The following CADPS2 variants were observed in gnomAD, a reference collection of about 807,000 sequenced individuals.
CADPS2 encodes calcium dependent secretion activator 2.
CADPS2 carries 93 observed loss-of-function variants against 172.5 expected under a neutral mutation model. The ratio of observed to expected loss-of-function variants is 0.54; its 90% confidence interval spans 0.46 to 0.64. The LOEUF (loss-of-function observed/expected upper bound fraction) is 0.64. Ranked by LOEUF, CADPS2 falls within the 30% of genes least tolerant of loss-of-function variation. The pLI, the probability that CADPS2 is intolerant of heterozygous loss-of-function variation, is 0.00. For missense variants in CADPS2, 1,420 were observed against 1,565.9 expected (o/e 0.91, Z 1.57); for synonymous variants, 546 against 555.2 (o/e 0.98, Z 0.23).
chr7:122,323,475 ACTCT>A (rs916893807), intron 29 of CADPS2, among the ~76,000 whole-genome samples: 1 of 152,000 alleles, frequency 6.6e-6, no homozygotes, highest in African/African-American at 2.4e-5. Flanking sequence ...CTTAAGATCT[ACTCT>A]CTTAGCAAAT....
intron 7 of CADPS2, among the ~76,000 whole-genome samples, chr7:122,569,082 A>G (rs1046963094): frequency 6.6e-6 from 1 of 152,198 alleles, no homozygotes; most frequent in African/African-American, 2.4e-5. Flanking sequence ...GAAAAGAGGA[A>G]GTCAAATTGT....
At chr7:122,704,487 T>G (rs1480320466) in intron 2 of CADPS2, among the ~76,000 whole-genome samples, 1 of 152,086 alleles carries the variant, frequency 6.6e-6, no homozygotes, top group Admixed American at 6.6e-5. Context: ...TTATTTAACC[T>G]TTGGAAGTAG....
At chr7:122,698,524 A>T (rs1336592143) in intron 2 of CADPS2, 5 of 1,613,926 alleles carry the variant, frequency 3.1e-6, no homozygotes, top group Non-Finnish European at 4.2e-6. Flanking sequence ...AGTACCTGGA[A>T]CGTTATAGAT....
chr7:122,557,489 TC>T lies in CADPS2; in HGVS notation c.1336-2801del, dbSNP rs1251079509. On this transcript the variant is annotated intron_variant, in intron 7 of 29. Coordinates refer to ENST00000449022, the MANE Select transcript of CADPS2 (RefSeq NM_017954.11). The stretch of plus-strand genomic sequence containing the variant: ...CACGTGGCAAACTTACCCATAGCTC[TC>T]CTGTCCCTGTTCCGTTACTGTATAT... Among the ~76,000 whole-genome samples the T allele has an allele frequency of 3.9e-5, 6 of 152,232 alleles. No individual in the cohort carries two copies. In the East Asian group the frequency reaches 1.2e-3, roughly 29 times the overall value.
chr7:122,607,420 A>G (rs2073720856), intron 6 of CADPS2, among the ~76,000 whole-genome samples: 1 of 152,170 alleles, frequency 6.6e-6, no homozygotes. Flanking sequence ...AATTTAGACC[A>G]CTCACTAATT....
intron 3 of CADPS2, among the ~76,000 whole-genome samples, chr7:122,661,586 C>G (rs2080535041): frequency 6.6e-6 from 1 of 152,114 alleles, no homozygotes; most frequent in Non-Finnish European, 1.5e-5. Flanking sequence ...GGAATTATAG[C>G]TTTAACTGAG....
At chr7:122,648,734 G>C (rs1467369520) in intron 3 of CADPS2, among the ~76,000 whole-genome samples, 1 of 152,158 alleles carries the variant, frequency 6.6e-6, no homozygotes, top group Non-Finnish European at 1.5e-5. Context: ...TAGTTCTCAA[G>C]TGTGGGAGCA....
chr7:122,360,680 C>A, intron 27 of CADPS2, 108 bp downstream of exon 27: 1 of 954,634 alleles, frequency 1.0e-6, no homozygotes. Flanking sequence ...TAAACTACTC[C>A]CTAAGGGAAT....
chr7:122,818,945 C>T (rs943368524), intron 1 of CADPS2, among the ~76,000 whole-genome samples: 1 of 151,992 alleles, frequency 6.6e-6, no homozygotes, highest in African/African-American at 2.4e-5. Context: ...TCTCAAAATA[C>T]ATTTTATTAC....
intron 14 of CADPS2, among the ~76,000 whole-genome samples, chr7:122,455,940 T>A (rs927677988): frequency 6.6e-6 from 1 of 152,050 alleles, no homozygotes; most frequent in Non-Finnish European, 1.5e-5. Context: ...TGGCCTCAGG[T>A]GATCCACCCT....
intron 1 of CADPS2, among the ~76,000 whole-genome samples, chr7:122,738,589 T>C (rs891865061): frequency 6.6e-6 from 1 of 152,026 alleles, no homozygotes; most frequent in Admixed American, 6.6e-5. Context: ...TCTGGAAACA[T>C]ACTGAGGATA....
intron 8 of CADPS2, among the ~76,000 whole-genome samples, chr7:122,534,882 G>A (rs888224378): frequency 4.6e-5 from 7 of 152,158 alleles, no homozygotes; most frequent in African/African-American, 1.7e-4. Flanking sequence ...GTGGCAATTA[G>A]CAGAACCTCT....
intron 25 of CADPS2, among the ~76,000 whole-genome samples, chr7:122,366,119 T>A (rs2040811493): frequency 6.6e-6 from 1 of 150,470 alleles, no homozygotes; most frequent in African/African-American, 2.4e-5. Flanking sequence ...TTTGTTAAGA[T>A]CAGGACTAAC....
Position 122,474,382 on chromosome 7 carries a change from A to C in CADPS2, c.1997T>G (p.Leu666Trp), listed in dbSNP as rs1022686535. 6.2e-7 allele frequency: 1 copy of C among 1,613,224 alleles called. No homozygotes were observed. The highest frequency in any genetic ancestry group is 1.3e-5 in the African/African-American group (1 of 74,864). Residue 666 changes from leucine to tryptophan, a missense_variant and splice_region_variant, in exon 13 of 30, where the codon TTG (leucine) becomes TGG (tryptophan). Coordinates refer to ENST00000449022, the MANE Select transcript of CADPS2 (RefSeq NM_017954.11). ...GGGACTAGATAGACTTGTACTCACC[A>C]AGCAAGAATAGGAATCATTCAGTCT... is the stretch of plus-strand genomic sequence containing the variant. ...DHRLNDSYSCLGWFSPGQVFV... is the reference protein window; with the variant it reads ...DHRLNDSYSCWGWFSPGQVFV...
At chr7:122,673,737 C>T (rs2082104693) in intron 2 of CADPS2, among the ~76,000 whole-genome samples, 1 of 152,264 alleles carries the variant, frequency 6.6e-6, no homozygotes, top group Non-Finnish European at 1.5e-5. Flanking sequence ...GACTCAGGGG[C>T]CCAACTGGCT....
chr7:122,592,058 G>A (rs1042263435), intron 6 of CADPS2, among the ~76,000 whole-genome samples: 11 of 152,030 alleles, frequency 7.2e-5, no homozygotes, highest in Admixed American at 3.3e-4. Context: ...GCAACCTACA[G>A]AATGGGAGAA....
At chr7:122,421,533 T>G (rs924717058) in intron 17 of CADPS2, among the ~76,000 whole-genome samples, 7 of 152,250 alleles carry the variant, frequency 4.6e-5, no homozygotes, top group Non-Finnish European at 7.3e-5. Flanking sequence ...TTTAAACTCC[T>G]CAGATTCCGT....
intron 1 of CADPS2, among the ~76,000 whole-genome samples, chr7:122,795,896 A>T (rs1796277350): frequency 6.6e-6 from 1 of 152,168 alleles, no homozygotes; most frequent in African/African-American, 2.4e-5. Flanking sequence ...AGGGCATCCA[A>T]ATAGGAAGAG....
chr7:122,805,570 T>G (rs1798620674), intron 1 of CADPS2, among the ~76,000 whole-genome samples: 1 of 152,232 alleles, frequency 6.6e-6, no homozygotes, highest in Admixed American at 6.5e-5. Context: ...TCTATACTTA[T>G]CAGCTTACAG....
Sources: allele counts gnomAD v4.1 joint callset (sites outside exome capture counted in the v4.1 genomes callset), GRCh38; gene constraint gnomAD v4.1.1; transcripts MANE v1.5; gene names NCBI Gene and HGNC (gene_info 2026-07-23, HGNC 2026-07-21).